The following KCNQ1 variants were observed in gnomAD, a reference collection of about 807,000 sequenced individuals.
KCNQ1 encodes the protein potassium voltage-gated channel subfamily KQT member 1.
KCNQ1 carries 49 observed loss-of-function variants against 72.4 expected under a neutral mutation model. The ratio of observed to expected loss-of-function variants is 0.68; its 90% CI spans 0.54 to 0.86. The LOEUF (loss-of-function observed/expected upper bound fraction) is 0.86, where lower values mean the gene tolerates loss of function less well. Ranked by LOEUF, KCNQ1 falls within the 40% of genes least tolerant of loss-of-function variation. The pLI is 0.00. For synonymous variants in KCNQ1, 450 were observed against 412.6 expected, an observed-to-expected ratio of 1.09 and a Z score of -1.10; for missense variants, 790 against 945.1, an observed-to-expected ratio of 0.84 and a Z score of 2.15.
chr11:2,616,991 C>T, intron 10 of KCNQ1: 1 of 397,602 alleles, frequency 2.5e-6, no homozygotes, highest in Non-Finnish European at 4.4e-6. Flanking sequence ...TAAAAATATG[C>T]ATATTTAGTG....
chr11:2,580,357 A>G (rs1355618188), intron 6 of KCNQ1, among the ~76,000 whole-genome samples: 1 of 152,256 alleles, frequency 6.6e-6, no homozygotes, highest in Non-Finnish European at 1.5e-5. Flanking sequence ...TATTTAATAC[A>G]GTGGAGGCAT....
chr11:2,558,622 C>T (rs974517379), intron 2 of KCNQ1, among the ~76,000 whole-genome samples: 20 of 152,202 alleles, frequency 1.3e-4, no homozygotes, highest in Admixed American at 2.0e-4. Flanking sequence ...GGAAGTGGGC[C>T]GCGCTTCGGG....
intron 1 of KCNQ1, among the ~76,000 whole-genome samples, chr11:2,503,500 G>A (rs1847048940): frequency 6.7e-6 from 1 of 149,376 alleles, no homozygotes; most frequent in African/African-American, 2.5e-5. Context: ...GAGAACACAT[G>A]GACACAGGAA....
At chr11:2,532,633 G>A (rs987884216) in intron 2 of KCNQ1, among the ~76,000 whole-genome samples, 4 of 152,184 alleles carry the variant, frequency 2.6e-5, no homozygotes, top group Non-Finnish European at 4.4e-5. Context: ...GCTTGGAGGA[G>A]GGGGCGCTCA....
At chr11:2,638,314 A>G (rs1188474549) in intron 10 of KCNQ1, 4 of 152,118 alleles carry the variant, frequency 2.6e-5, no homozygotes, top group South Asian at 2.1e-4. Flanking sequence ...GGCTGGTACC[A>G]ATTGTTCCTT....
intron 2 of KCNQ1, among the ~76,000 whole-genome samples, chr11:2,534,108 G>C (rs952509324): frequency 2.0e-5 from 3 of 151,962 alleles, no homozygotes; most frequent in Admixed American, 2.0e-4. Context: ...TTCCCTCCCA[G>C]CTCAGAGCAA....
At position 2,750,223 on chromosome 11, in the gene KCNQ1, A is replaced by G. The variant is rs1303732431; in HGVS notation, c.1515-18621A>G. 6.6e-6 allele frequency among the ~76,000 whole-genome samples: 1 copy of G among 152,184 alleles called. No homozygotes were observed. Among genetic ancestry groups the G allele is most frequent in the Non-Finnish European group, 1.5e-5 (1 of 68,032 alleles). ...CTGGGGAAGTTGAGGAATGACATGT[A>G]TTCCAGGGAAGAATTGGGCCGGAGG... On this transcript the variant is annotated intron_variant, in intron 11 of 15. Transcript: ENST00000155840. This position sits in a 1 kb window ranked among gnomAD's most constrained non-coding sequence, Gnocchi z 6.3.
rs1450122035 is a variant in KCNQ1, at chr11:2,704,406, G to T, written c.1514+42325G>T. ...ATGTTTACTTGACTTCCTGCCCCAGGTCTCTGCTGTACCCACAGGTGGCAT... is the reference window on the plus strand; with the variant it reads ...ATGTTTACTTGACTTCCTGCCCCAGTTCTCTGCTGTACCCACAGGTGGCAT... On this transcript the variant is annotated intron_variant, in intron 11 of 15. Coordinates refer to ENST00000155840, the MANE Select transcript of KCNQ1 (RefSeq NM_000218.3). This position sits in a 1 kb window ranked among gnomAD's most constrained non-coding sequence, Gnocchi z 4.3. Among the ~76,000 whole-genome samples the T allele has an allele frequency of 6.6e-6, 1 of 152,206 alleles. No homozygotes were observed. Among genetic ancestry groups the T allele is most frequent in the African/African-American group, 2.4e-5 (1 of 41,448 alleles).
intron 2 of KCNQ1, among the ~76,000 whole-genome samples, chr11:2,548,273 G>A (rs1378844919): frequency 6.6e-6 from 1 of 152,218 alleles, no homozygotes; most frequent in African/African-American, 2.4e-5. Flanking sequence ...GCTTCGTCCA[G>A]GGAGGTAGAC....
chr11:2,639,428 A>G (rs1849533278), intron 10 of KCNQ1: 4 of 152,128 alleles, frequency 2.6e-5, no homozygotes, highest in Admixed American at 6.5e-5. Flanking sequence ...TTTCCTTCTA[A>G]CAGTCAGGAC....
In KCNQ1 at chr11:2,450,061, G is replaced by C. The variant is rs1192699388; in HGVS notation, c.386+4577G>C. ...TGAGCCCCTGCTCGGCCCTAGGCAG[G>C]GCCCCCAGTTCCCTGCATTCCACCC... On this transcript the variant is annotated intron_variant, in intron 1 of 15. Coordinates refer to ENST00000155840, the MANE Select transcript of KCNQ1 (RefSeq NM_000218.3). The surrounding 1 kb of genome is among the most constrained non-coding windows in gnomAD (Gnocchi z 7.9). 6.6e-6 allele frequency among the ~76,000 whole-genome samples: 1 copy of C among 152,152 alleles called. No individual in the cohort carries two copies. Among genetic ancestry groups the C allele is most frequent in the Non-Finnish European group, 1.5e-5 (1 of 68,016 alleles).
chr11:2,672,843 G>A (rs981394604), intron 11 of KCNQ1: 14 of 398,678 alleles, frequency 3.5e-5, no homozygotes, highest in Non-Finnish European at 5.3e-5. Context: ...GTTCTGCCTG[G>A]GCATTTTCTT....
At chr11:2,791,594 G>A (rs1294479004) in intron 15 of KCNQ1, among the ~76,000 whole-genome samples, 1 of 152,192 alleles carries the variant, frequency 6.6e-6, no homozygotes, top group Non-Finnish European at 1.5e-5. Flanking sequence ...CCGCGGGCGG[G>A]GAAGGAAGGA....
In KCNQ1 at chr11:2,537,668, A is replaced by G. The variant is rs537841181; in HGVS notation, c.477+9650A>G. On this transcript the variant is annotated intron_variant, in intron 2 of 15. Coordinates refer to ENST00000155840, the MANE Select transcript of KCNQ1 (RefSeq NM_000218.3). The surrounding 1 kb of genome is among the most constrained non-coding windows in gnomAD (Gnocchi z 5.2). ...CCATTTGCTCTGCACGTTTCTCTCT[A>G]TATGCAAAAACCTATATGGGTTTTG... 1.3e-5 allele frequency among the ~76,000 whole-genome samples: 2 copies of G among 151,018 alleles called. No homozygotes were observed. Among genetic ancestry groups the G allele is most frequent in the South Asian group, 2.1e-4 (1 of 4,816 alleles).
chr11:2,730,441 C>CTT (rs1845836361), intron 11 of KCNQ1, among the ~76,000 whole-genome samples: 1 of 152,210 alleles, frequency 6.6e-6, no homozygotes, highest in Admixed American at 6.5e-5. Flanking sequence ...CCTCCCTTGG[C>CTT]TTGTGGCCTT....
rs985194859 is a variant in KCNQ1, at chr11:2,688,210, C to T, written c.1514+26129C>T. 1.3e-5 allele frequency: 5 copies of T among 398,654 alleles called. No individual in the cohort carries two copies. In the East Asian group the frequency reaches 1.4e-4, roughly 11 times the overall value. The allele number at this position is 398,654 out of a possible 1,614,324, so 24.7% of individuals were successfully genotyped here. On this transcript the variant is annotated intron_variant, in intron 11 of 15. Coordinates refer to ENST00000155840, the MANE Select transcript of KCNQ1 (RefSeq NM_000218.3). ...AGGGGGCAGGAGGGGCTGCACTGAG[C>T]CCACCAAAGGTTGTAGCCACTCATA...
chr11:2,672,169 G>T (rs952342958), intron 11 of KCNQ1: 6 of 398,566 alleles, frequency 1.5e-5, no homozygotes, highest in African/African-American at 1.2e-4. Context: ...TTGTTTTTCA[G>T]TGTTTTCTTT....
chr11:2,482,956 G>A lies in KCNQ1; in HGVS notation c.386+37472G>A, dbSNP rs1016672216. Among the ~76,000 whole-genome samples the A allele has an allele frequency of 4.6e-5, 7 of 152,146 alleles. No homozygotes were observed. The highest frequency in any genetic ancestry group is 1.0e-4 in the Non-Finnish European group (7 of 68,034). ...GGCATGGCGTGGTAATGCATGGTGC[G>A]TGTCTCTTAGCAGTAAGACCTTGAG... On this transcript the variant is annotated intron_variant, in intron 1 of 15. Coordinates refer to ENST00000155840, the MANE Select transcript of KCNQ1 (RefSeq NM_000218.3). This position sits in a 1 kb window ranked among gnomAD's most constrained non-coding sequence, Gnocchi z 5.7.
In KCNQ1 at chr11:2,460,757, T is replaced by G. The variant is rs376834627; in HGVS notation, c.386+15273T>G. On this transcript the variant is annotated intron_variant, in intron 1 of 15. Coordinates refer to ENST00000155840, the MANE Select transcript of KCNQ1 (RefSeq NM_000218.3). Reference sequence around the variant, plus strand: ...ATCCGGGTGGCTGTGGCCGAGGCCCTTATGAGAGGGTGGTAGGTGTGTCTC... The same window carrying G: ...ATCCGGGTGGCTGTGGCCGAGGCCCGTATGAGAGGGTGGTAGGTGTGTCTC... Among the ~76,000 whole-genome samples the G allele has an allele frequency of 7.9e-5, 12 of 152,302 alleles. No homozygotes were observed. The East Asian group carries it at 1.7e-3, about 22-fold the overall frequency.
Sources: allele counts gnomAD v4.1 joint callset (sites outside exome capture counted in the v4.1 genomes callset), GRCh38; gene constraint gnomAD v4.1.1; non-coding constraint Gnocchi (gnomAD v3.1); transcripts MANE v1.5; gene names NCBI Gene and HGNC (gene_info 2026-07-23, HGNC 2026-07-21).